The following GPAT4 variants were observed in gnomAD, a reference collection of about 807,000 sequenced individuals.
The protein encoded by GPAT4 is 1-AGP acyltransferase 6.
In GPAT4, 17 loss-of-function variants were observed where a neutral mutation model predicts 58.0. The observed-to-expected ratio is 0.29, with a 90% CI of 0.20 to 0.44. The LOEUF is 0.44. Among genes scored for constraint, GPAT4 ranks in the 20% least tolerant of loss-of-function variants. GPAT4 has a pLI of 1.00. For synonymous variants in GPAT4, 204 were observed against 210.1 expected (o/e 0.97, Z 0.25); for missense variants, 377 against 574.5 (o/e 0.66, Z 3.51).
At chr8:41,582,987 C>G (rs1802562973) in intron 1 of GPAT4, among the ~76,000 whole-genome samples, 1 of 152,024 alleles carries the variant, frequency 6.6e-6, no homozygotes, top group African/African-American at 2.4e-5. Context: ...CTTTGGGAGG[C>G]CAAAGTGGGT....
intron 1 of GPAT4, among the ~76,000 whole-genome samples, chr8:41,579,773 G>A (rs1468528211): frequency 3.9e-5 from 6 of 152,142 alleles, no homozygotes; most frequent in African/African-American, 1.2e-4. Context: ...AGGAGGCAGA[G>A]GTTGCAGTGA....
chr8:41,615,111 G>C (rs942013765), intron 10 of GPAT4, 63 bp downstream of exon 10: 2 of 1,421,962 alleles, frequency 1.4e-6, no homozygotes, highest in Non-Finnish European at 2.0e-6. Context: ...GGTGCAGCAG[G>C]AGGAGGTAGA....
At position 41,621,119 on chromosome 8, in the gene GPAT4, C is replaced by A; in HGVS notation, c.*118C>A. The A allele has an allele frequency of 7.1e-7, 1 of 1,410,916 alleles. No individual in the cohort carries two copies. Among genetic ancestry groups the A allele is most frequent in the South Asian group, 1.4e-5 (1 of 71,488 alleles). 87.4% of individuals were successfully genotyped at this position (1,410,916 alleles called of 1,614,324 possible). ...AGACTCCAGGGCTCCCCGGGCTGCT[C>A]TGGATCCCAGGACTCCGGCTTTCGC... On this transcript the variant is annotated 3_prime_UTR_variant, in exon 13 of 13. Transcript: ENST00000396987.
At position 41,582,481 on chromosome 8, in the gene GPAT4, T is replaced by A. The variant is rs1275372976; in HGVS notation, c.-849+4203T>A. ...CACACACACACACACACACACATCTTTCTTTCTTTCTTTGCCAGTTGAAGA... is the reference window on the plus strand; with the variant it reads ...CACACACACACACACACACACATCTATCTTTCTTTCTTTGCCAGTTGAAGA... On this transcript the variant is annotated intron_variant, in intron 1 of 12. Transcript: ENST00000396987. 2.3e-5 allele frequency among the ~76,000 whole-genome samples: 3 copies of A among 133,072 alleles called. No homozygotes were observed. In the South Asian group the frequency reaches 7.1e-4, roughly 32 times the overall value. The allele number at this position is 133,072 out of a possible 152,430, so 87.3% of individuals were successfully genotyped here. A position where few individuals can be genotyped will look rare whatever the true frequency, so the allele number is the denominator to read the frequency against.
chr8:41,580,058 G>A, intron 1 of GPAT4, among the ~76,000 whole-genome samples: 1 of 152,162 alleles, frequency 6.6e-6, no homozygotes, highest in Non-Finnish European at 1.5e-5. Context: ...AATGGTGTAG[G>A]AAGGCTGTGG....
intron 2 of GPAT4, among the ~76,000 whole-genome samples, chr8:41,601,133 C>T (rs1803082126): frequency 8.7e-6 from 1 of 114,532 alleles, no homozygotes; most frequent in African/African-American, 3.7e-5. Flanking sequence ...AATCTTAGAG[C>T]ATTGCTTAAG....
chr8:41,611,828 G>A, intron 5 of GPAT4, 75 bp from the exon 6 acceptor site: 1 of 1,399,692 alleles, frequency 7.1e-7, no homozygotes, highest in Non-Finnish European at 1.0e-6. Flanking sequence ...GGACTGCTGA[G>A]CTGTTGAAGT....
At chr8:41,583,604 C>A (rs983195043) in intron 1 of GPAT4, among the ~76,000 whole-genome samples, 2 of 152,032 alleles carry the variant, frequency 1.3e-5, no homozygotes, top group African/African-American at 4.8e-5. Context: ...CATGCTAAGT[C>A]ATTGAACTCC....
intron 1 of GPAT4, among the ~76,000 whole-genome samples, chr8:41,595,745 C>T (rs1431796204): frequency 1.3e-5 from 2 of 151,940 alleles, no homozygotes; most frequent in African/African-American, 2.4e-5. Context: ...TTTGCCTCTG[C>T]CTCTTCCTCT....
At chr8:41,618,429 T>A (rs1803655114) in intron 10 of GPAT4, 2 of 535,954 alleles carry the variant, frequency 3.7e-6, no homozygotes, top group East Asian at 3.2e-5. Context: ...AGGGAAGACA[T>A]TTGCTTGAGG....
At chr8:41,614,584 A>G (rs1271958025) in intron 9 of GPAT4, 143 bp downstream of exon 9, 3 of 822,712 alleles carry the variant, frequency 3.6e-6, no homozygotes, top group African/African-American at 3.4e-5. Context: ...TTAGGTTGGA[A>G]GTAGGACTAA....
At chr8:41,600,921 G>A (rs1427676606) in intron 2 of GPAT4, among the ~76,000 whole-genome samples, 3 of 151,936 alleles carry the variant, frequency 2.0e-5, no homozygotes, top group East Asian at 1.9e-4. Context: ...ATCGTAGCAC[G>A]TGTCACTACT....
chr8:41,579,800 T>A (rs1158882651), intron 1 of GPAT4, among the ~76,000 whole-genome samples: 1 of 151,518 alleles, frequency 6.6e-6, no homozygotes, highest in East Asian at 1.9e-4. Context: ...ATTGCGCCGC[T>A]GCACTCCAGC....
Position 41,623,111 on chromosome 8 carries a change from G to T in GPAT4, c.*2110G>T, listed in dbSNP as rs577795813. 6.6e-6 allele frequency: 1 copy of T among 152,262 alleles called. No individual in the cohort carries two copies. Among genetic ancestry groups the T allele is most frequent in the Non-Finnish European group, 1.5e-5 (1 of 68,048 alleles). 9.4% of individuals were successfully genotyped at this position (152,262 alleles called of 1,614,324 possible). ...GCCGGCAGGTGTGGCCGCACCTGGTGTGAAGTCACGTGGAGTCAGTGCTGT... is the reference window on the plus strand; with the variant it reads ...GCCGGCAGGTGTGGCCGCACCTGGTTTGAAGTCACGTGGAGTCAGTGCTGT... On this transcript the variant is annotated 3_prime_UTR_variant, in exon 13 of 13. Transcript: ENST00000396987.
chr8:41,591,445 C>G lies in GPAT4; in HGVS notation c.-848-6847C>G, dbSNP rs533961275. Among the ~76,000 whole-genome samples, 6 of 152,338 alleles carry G rather than the reference C, an allele frequency of 3.9e-5. No individual in the cohort carries two copies. In the South Asian group the frequency reaches 1.2e-3, roughly 32 times the overall value. On this transcript the variant is annotated intron_variant, in intron 1 of 12. Transcript: ENST00000396987. The stretch of plus-strand genomic sequence containing the variant: ...CGAAGTCAGTAGTTGTTCATTTCCT[C>G]CCTTTGAGAACCTCACTCATTAGTG...
chr8:41,617,381 T>C (rs1188393218), intron 10 of GPAT4, among the ~76,000 whole-genome samples: 1 of 151,966 alleles, frequency 6.6e-6, no homozygotes, highest in Non-Finnish European at 1.5e-5. Context: ...TATATTATTA[T>C]ATATAAAATT....
chr8:41,611,064 A>G (rs1042770616), intron 5 of GPAT4, among the ~76,000 whole-genome samples: 32 of 152,142 alleles, frequency 2.1e-4, no homozygotes, highest in African/African-American at 7.7e-4. Context: ...TGTCTCTACT[A>G]AAAATACAAA....
chr8:41,588,929 G>T (rs1563268934), intron 1 of GPAT4, among the ~76,000 whole-genome samples: 1 of 152,212 alleles, frequency 6.6e-6, no homozygotes, highest in African/African-American at 2.4e-5. Flanking sequence ...GATTCTGGGT[G>T]AGTTTGGTTG....
intron 2 of GPAT4, among the ~76,000 whole-genome samples, chr8:41,602,425 A>G (rs1025322482): frequency 5.3e-5 from 8 of 152,218 alleles, no homozygotes; most frequent in Admixed American, 3.3e-4. Flanking sequence ...TTTGTGGACC[A>G]TTACAGCCTG....
Sources: gnomAD v4.1 joint callset for allele counts (sites outside exome capture counted in the v4.1 genomes callset) on GRCh38, gnomAD v4.1.1 for gene constraint, MANE v1.5 for transcripts, NCBI Gene and HGNC (gene_info 2026-07-23, HGNC 2026-07-21) for gene names.